Variants in CCBE1 observed in about 807,000 individuals in gnomAD.
The protein encoded by CCBE1 is collagen and calcium-binding EGF domain-containing protein 1.
A neutral mutation model predicts 50.0 loss-of-function variants in CCBE1; 37 were observed. The observed-to-expected ratio is 0.74, with a 90% CI of 0.57 to 0.97. The LOEUF (loss-of-function observed/expected upper bound fraction) is 0.97, where lower values mean the gene tolerates loss of function less well. CCBE1 is among the 50% of genes least tolerant of loss of function. The pLI, the probability that CCBE1 is intolerant of heterozygous loss-of-function variation, is 0.00. For synonymous variants in CCBE1, 234 were observed against 203.7 expected (o/e 1.15, Z -1.27); for missense variants, 538 against 523.8 (o/e 1.03, Z -0.26).
chr18:59,454,257 G>T (rs1911074578), intron 6 of CCBE1, among the ~76,000 whole-genome samples: 1 of 152,058 alleles, frequency 6.6e-6, no homozygotes, highest in Non-Finnish European at 1.5e-5. Flanking sequence ...CTAGAAATTT[G>T]TTTTGAGTTG....
chr18:59,514,732 G>A (rs1281226445), intron 2 of CCBE1, among the ~76,000 whole-genome samples: 2 of 149,816 alleles, frequency 1.3e-5, no homozygotes, highest in Admixed American at 6.8e-5. Context: ...TTGCCCCAGA[G>A]TACCCTTTGC....
intron 2 of CCBE1, among the ~76,000 whole-genome samples, chr18:59,597,913 G>A (rs2053377773): frequency 6.6e-6 from 1 of 152,154 alleles, no homozygotes; most frequent in Non-Finnish European, 1.5e-5. Flanking sequence ...TGAAGAAAAG[G>A]GTAAATAGTT....
intron 2 of CCBE1, among the ~76,000 whole-genome samples, chr18:59,690,744 AGT>A (rs1458053154): frequency 2.6e-5 from 4 of 152,180 alleles, no homozygotes; most frequent in African/African-American, 7.2e-5. Flanking sequence ...TTTCTCTGAG[AGT>A]GAGTGAGAAG....
At chr18:59,623,804 A>G (rs2144611568) in intron 2 of CCBE1, among the ~76,000 whole-genome samples, 1 of 152,320 alleles carries the variant, frequency 6.6e-6, no homozygotes, top group Non-Finnish European at 1.5e-5. Context: ...CTTTGTTTTC[A>G]AGGACACACA....
At chr18:59,522,865 G>A (rs957533815) in intron 2 of CCBE1, among the ~76,000 whole-genome samples, 8 of 151,772 alleles carry the variant, frequency 5.3e-5, no homozygotes, top group African/African-American at 7.3e-5. Flanking sequence ...GGTGGCGGGC[G>A]CCTGTAGTCC....
chr18:59,495,891 A>G (rs1269937612), intron 2 of CCBE1, among the ~76,000 whole-genome samples: 4 of 152,144 alleles, frequency 2.6e-5, no homozygotes, highest in South Asian at 2.1e-4. Flanking sequence ...AGAGTAGATC[A>G]CACGCTGGTC....
chr18:59,436,199 C>T, intron 10 of CCBE1, 58 bp from the exon 11 acceptor site: 1 of 1,485,020 alleles, frequency 6.7e-7, no homozygotes, highest in Non-Finnish European at 9.4e-7. Flanking sequence ...GCCTCCGGGG[C>T]TCCATGACTT....
chr18:59,689,158 C>T (rs183873689), intron 2 of CCBE1, among the ~76,000 whole-genome samples: 15 of 152,324 alleles, frequency 9.8e-5, no homozygotes, highest in Admixed American at 7.2e-4. Context: ...CAGGATTAGA[C>T]GCTACCTGTT....
intron 8 of CCBE1, 34 bp from the exon 9 acceptor site, chr18:59,439,612 C>G: frequency 6.2e-7 from 1 of 1,614,230 alleles, no homozygotes; most frequent in Non-Finnish European, 8.5e-7. Context: ...TAACCACAGG[C>G]AAAAGCATGG....
At chr18:59,692,088 T>G (rs889853359) in intron 2 of CCBE1, among the ~76,000 whole-genome samples, 2 of 152,198 alleles carry the variant, frequency 1.3e-5, no homozygotes, top group African/African-American at 4.8e-5. Flanking sequence ...AAATAGCATC[T>G]GCAAACGAGT....
At chr18:59,559,028 TGAG>T (rs2052693800) in intron 2 of CCBE1, among the ~76,000 whole-genome samples, 1 of 140,814 alleles carries the variant, frequency 7.1e-6, no homozygotes, top group Non-Finnish European at 1.5e-5. Flanking sequence ...CAATTGGTGA[TGAG>T]GATGGGATGA....
intron 2 of CCBE1, among the ~76,000 whole-genome samples, chr18:59,573,635 A>G (rs1218601834): frequency 6.6e-6 from 1 of 151,252 alleles, no homozygotes; most frequent in Admixed American, 6.6e-5. Flanking sequence ...TAGTTGAAAT[A>G]ACTTGGTTCA....
intron 2 of CCBE1, among the ~76,000 whole-genome samples, chr18:59,561,579 T>C (rs899859620): frequency 1.2e-4 from 19 of 152,162 alleles, no homozygotes; most frequent in African/African-American, 4.6e-4. Context: ...CTGTAAAAGG[T>C]ATAACTGCCC....
intron 2 of CCBE1, among the ~76,000 whole-genome samples, chr18:59,486,543 C>T (rs1190581695): frequency 6.6e-6 from 1 of 152,172 alleles, no homozygotes; most frequent in East Asian, 1.9e-4. Flanking sequence ...CTTCTCTAAC[C>T]CTGAAACACA....
At chr18:59,554,629 A>T (rs975687263) in intron 2 of CCBE1, among the ~76,000 whole-genome samples, 1 of 152,236 alleles carries the variant, frequency 6.6e-6, no homozygotes, top group African/African-American at 2.4e-5. Context: ...GAACTCTAGT[A>T]TAGAACAGGC....
At chr18:59,540,357 C>T (rs562769868) in intron 2 of CCBE1, among the ~76,000 whole-genome samples, 1 of 152,196 alleles carries the variant, frequency 6.6e-6, no homozygotes, top group African/African-American at 2.4e-5. Context: ...CCCAGAAAGA[C>T]AGTACAATTT....
intron 2 of CCBE1, among the ~76,000 whole-genome samples, chr18:59,683,414 G>A (rs1208845521): frequency 6.6e-6 from 1 of 152,138 alleles, no homozygotes; most frequent in African/African-American, 2.4e-5. Flanking sequence ...AAAGACAGTT[G>A]GCCAGGCGGG....
intron 2 of CCBE1, among the ~76,000 whole-genome samples, chr18:59,513,912 G>C (rs1387403875): frequency 6.6e-6 from 1 of 152,120 alleles, no homozygotes; most frequent in African/African-American, 2.4e-5. Flanking sequence ...TGCCACACTT[G>C]GGCCATCACG....
At chr18:59,584,063 C>A (rs1029777288) in intron 2 of CCBE1, among the ~76,000 whole-genome samples, 1 of 151,838 alleles carries the variant, frequency 6.6e-6, no homozygotes, top group African/African-American at 2.4e-5. Context: ...ATGTTTATTG[C>A]GGCATTATTC....
Sources: allele counts gnomAD v4.1 joint callset (sites outside exome capture counted in the v4.1 genomes callset), GRCh38; gene constraint gnomAD v4.1.1; transcripts MANE v1.5; gene names NCBI Gene and HGNC (gene_info 2026-07-23, HGNC 2026-07-21).